FKTN: variants seen among roughly 807,000 people sequenced by gnomAD.
The protein encoded by FKTN is fukutin.
A neutral mutation model predicts 58.6 loss-of-function variants in FKTN; 47 were observed. The ratio of observed to expected loss-of-function variants is 0.80; its 90% confidence interval spans 0.63 to 1.02. The LOEUF is 1.02. Ranked by LOEUF, FKTN falls within the 50% of genes least tolerant of loss-of-function variation. The pLI is 0.00. For synonymous variants in FKTN, 178 were observed against 191.9 expected (o/e 0.93, Z 0.60); for missense variants, 516 against 537.3 (o/e 0.96, Z 0.39).
chr9:105,639,081 T>A lies in FKTN; in HGVS notation c.*3817T>A, dbSNP rs1463786895. 7.1e-6 allele frequency: 7 copies of A among 984,704 alleles called. No individual in the cohort carries two copies. Among genetic ancestry groups the A allele is most frequent in the Non-Finnish European group, 7.2e-6 (6 of 829,352 alleles). 61.0% of individuals were successfully genotyped at this position (984,704 alleles called of 1,614,324 possible). On this transcript the variant is annotated 3_prime_UTR_variant, in exon 11 of 11. Coordinates refer to ENST00000357998, the MANE Select transcript of FKTN (RefSeq NM_001079802.2). Reference sequence around the variant, plus strand: ...ACAGTTTTTTAAATCCTAAATGTTATAAATCCTTAGGAGAAATATTCCCTC... The same window carrying A: ...ACAGTTTTTTAAATCCTAAATGTTAAAAATCCTTAGGAGAAATATTCCCTC...
chr9:105,568,382 C>T lies in FKTN; in HGVS notation c.-180-5273C>T, dbSNP rs531640244. 1.1e-4 allele frequency among the ~76,000 whole-genome samples: 16 copies of T among 152,104 alleles called. 1 individual carries two copies. The South Asian group carries it at 3.3e-3, about 32-fold the overall frequency. ...CCTACAGAATGGGAGAAAATTTTTGCAATCTACTCATCTGACAAAGGGCTA... is the reference window on the plus strand; with the variant it reads ...CCTACAGAATGGGAGAAAATTTTTGTAATCTACTCATCTGACAAAGGGCTA... On this transcript the variant is annotated intron_variant, in intron 1 of 10. Coordinates refer to ENST00000357998, the MANE Select transcript of FKTN (RefSeq NM_001079802.2).
At chr9:105,588,579 C>T (rs938350180) in intron 3 of FKTN, among the ~76,000 whole-genome samples, 4 of 152,166 alleles carry the variant, frequency 2.6e-5, no homozygotes, top group Non-Finnish European at 5.9e-5. Flanking sequence ...GACATATAAG[C>T]AAACAATAAC....
intron 7 of FKTN, among the ~76,000 whole-genome samples, chr9:105,612,940 G>A (rs1273282601): frequency 1.3e-5 from 2 of 152,072 alleles, no homozygotes; most frequent in Non-Finnish European, 2.9e-5. Context: ...ATTCCAGCCT[G>A]GGCAACAGAG....
In FKTN at chr9:105,601,167, T is replaced by C. The variant is rs772840681; in HGVS notation, c.188T>C (p.Met63Thr). ...TQWRAVKKFI[M>T]LTSNQNVPVF... Reference sequence around the variant, plus strand: ...CAGCGTGCAGTTAAAAAATTTATTATGTTAACATCCAACCAAAATGTACCA... The same window carrying C: ...CAGCGTGCAGTTAAAAAATTTATTACGTTAACATCCAACCAAAATGTACCA... Residue 63 changes from methionine (M) to threonine (T), a missense_variant, in exon 5 of 11, where the codon ATG (methionine) becomes ACG (threonine). Coordinates refer to ENST00000357998, the MANE Select transcript of FKTN (RefSeq NM_001079802.2). 6.8e-6 allele frequency: 11 copies of C among 1,606,200 alleles called. No homozygotes were observed. In the Admixed American group the frequency reaches 1.0e-4, roughly 15 times the overall value.
At chr9:105,615,519 G>C in intron 8 of FKTN, 112 bp downstream of exon 8, 2 of 1,023,710 alleles carry the variant, frequency 2.0e-6, no homozygotes, top group Non-Finnish European at 3.1e-6. Context: ...CATGTGTATA[G>C]ACAGAATAAA....
intron 1 of FKTN, among the ~76,000 whole-genome samples, chr9:105,565,554 G>A (rs7041519): frequency 1.3e-5 from 2 of 151,594 alleles, no homozygotes; most frequent in Non-Finnish European, 2.9e-5. Flanking sequence ...GACAAAGAAG[G>A]CCATTACATA....
intron 3 of FKTN, among the ~76,000 whole-genome samples, chr9:105,578,629 C>G (rs906354085): frequency 6.6e-6 from 1 of 151,294 alleles, no homozygotes; most frequent in African/African-American, 2.5e-5. Context: ...GTCTAAAATT[C>G]TCTTTTTTTG....
chr9:105,592,045 T>C (rs1844981186), intron 3 of FKTN, among the ~76,000 whole-genome samples: 1 of 152,196 alleles, frequency 6.6e-6, no homozygotes, highest in Non-Finnish European at 1.5e-5. Context: ...CACCAAACTA[T>C]TCTTCCCTCC....
chr9:105,570,563 T>C (rs1378875100), intron 1 of FKTN, among the ~76,000 whole-genome samples: 2 of 152,166 alleles, frequency 1.3e-5, no homozygotes, highest in Non-Finnish European at 2.9e-5. Context: ...TCATATTCTT[T>C]TTCAGGTACA....
chr9:105,637,332 C>T lies in FKTN; in HGVS notation c.*2068C>T, dbSNP rs912488907. 14 of 985,010 alleles carry T rather than the reference C, an allele frequency of 1.4e-5. No individual in the cohort carries two copies. The African/African-American group carries it at 2.4e-4, about 17-fold the overall frequency. 61.0% of individuals were successfully genotyped at this position (985,010 alleles called of 1,614,324 possible). A position where few individuals can be genotyped will look rare whatever the true frequency, so the allele number is the denominator to read the frequency against. On this transcript the variant is annotated 3_prime_UTR_variant, in exon 11 of 11. Transcript: ENST00000357998. ...ACAAAGTCTTAAGAGTGTCTGAAAT[C>T]CAAGACATCTTGGCCCAATTGACAC...
chr9:105,628,944 C>A (rs1414718480), intron 10 of FKTN, among the ~76,000 whole-genome samples: 1 of 152,156 alleles, frequency 6.6e-6, no homozygotes, highest in Non-Finnish European at 1.5e-5. Flanking sequence ...GCACAGGGAA[C>A]TTTGGACGAG....
chr9:105,623,574 T>C (rs995838272), intron 10 of FKTN, among the ~76,000 whole-genome samples: 1 of 152,196 alleles, frequency 6.6e-6, no homozygotes, highest in Admixed American at 6.5e-5. Flanking sequence ...CAGTTGCAGC[T>C]TCTGATTATT....
rs201434340 is a variant in FKTN at position 105,566,691 on chromosome 9, T to G, written c.-180-6964T>G. On this transcript the variant is annotated intron_variant, in intron 1 of 10. Coordinates refer to ENST00000357998, the MANE Select transcript of FKTN (RefSeq NM_001079802.2). ...CAAAAAAAGTCCAGGACCAGATGGA[T>G]TCACAGCCGAATTCTACCAGAGGTA... 1.2e-4 allele frequency among the ~76,000 whole-genome samples: 19 copies of G among 152,252 alleles called. No individual in the cohort carries two copies. The East Asian group carries it at 3.3e-3, about 26-fold the overall frequency.
In FKTN at chr9:105,617,723, G is replaced by A. The variant is rs10816284; in HGVS notation, c.911-236G>A. 0.44 allele frequency among the ~76,000 whole-genome samples: 66,952 copies of A among 151,840 alleles called. 14,993 individuals are homozygous for A. The highest frequency in any genetic ancestry group is 0.55 in the East Asian group (2,862 of 5,160). The stretch of plus-strand genomic sequence containing the variant: ...TTTAATTTTTAAAAATAATTTTGGT[G>A]AAGCATCTTAAGTCTAATCCTGTGA... On this transcript the variant is annotated intron_variant, in intron 8 of 10. Transcript: ENST00000357998.
Position 105,635,082 on chromosome 9 carries a change from A to G in FKTN, c.1204A>G (p.Thr402Ala), listed in dbSNP as rs1833924369. ...GTTTCCGAAGTTTACACTGTGCTGGACTGAGTTTGTAGACATGAAGGTCCA... is the reference window on the plus strand; with the variant it reads ...GTTTCCGAAGTTTACACTGTGCTGGGCTGAGTTTGTAGACATGAAGGTCCA... ...YLFPKFTLCWTEFVDMKVHVP... is the reference protein window; with the variant it reads ...YLFPKFTLCWAEFVDMKVHVP... Residue 402 changes from threonine to alanine, a missense_variant, in exon 11 of 11, where the codon ACT (threonine) becomes GCT (alanine). Thr to Ala is a moderately conservative substitution (Grantham distance 58). Transcript: ENST00000357998. 6.2e-7 allele frequency: 1 copy of G among 1,614,050 alleles called. No homozygotes were observed. The highest frequency in any genetic ancestry group is 1.7e-5 in the Admixed American group (1 of 60,004).
intron 1 of FKTN, among the ~76,000 whole-genome samples, chr9:105,568,018 A>C (rs1436321510): frequency 3.9e-5 from 6 of 152,170 alleles, no homozygotes; most frequent in Admixed American, 6.5e-5. Flanking sequence ...CTTTGACAAA[A>C]CTGATAAAAA....
chr9:105,563,570 A>G (rs898646016), intron 1 of FKTN, among the ~76,000 whole-genome samples: 1 of 150,676 alleles, frequency 6.6e-6, no homozygotes, highest in Non-Finnish European at 1.5e-5. Flanking sequence ...CAGCAGTCTG[A>G]GATTGAACTG....
At position 105,638,389 on chromosome 9, in the gene FKTN, C is replaced by T. The variant is rs754448558; in HGVS notation, c.*3125C>T. The T allele has an allele frequency of 3.1e-5, 31 of 985,244 alleles. No homozygotes were observed. Among genetic ancestry groups the T allele is most frequent in the Non-Finnish European group, 3.7e-5 (31 of 829,908 alleles). 61.0% of individuals were successfully genotyped at this position (985,244 alleles called of 1,614,324 possible). The stretch of plus-strand genomic sequence containing the variant: ...TCAGAATTCTTAGGCAACCTTCATA[C>T]CTTTATCTGGAAAATGCCTTCTCTC... On this transcript the variant is annotated 3_prime_UTR_variant, in exon 11 of 11. Transcript: ENST00000357998.
intron 10 of FKTN, among the ~76,000 whole-genome samples, chr9:105,626,348 G>A (rs1262464534): frequency 6.6e-6 from 1 of 152,184 alleles, no homozygotes; most frequent in African/African-American, 2.4e-5. Flanking sequence ...TACCAGCATG[G>A]TCAGGTTCTG....
Sources: allele counts gnomAD v4.1 joint callset (sites outside exome capture counted in the v4.1 genomes callset), GRCh38; gene constraint gnomAD v4.1.1; transcripts MANE v1.5; gene names NCBI Gene and HGNC (gene_info 2026-07-23, HGNC 2026-07-21).